The following BEGAIN variants were observed in gnomAD, a reference collection of about 807,000 sequenced individuals.
The protein encoded by BEGAIN is brain enriched guanylate kinase associated.
BEGAIN carries 19 observed loss-of-function variants against 35.8 expected under a neutral mutation model. That is an observed-to-expected ratio of 0.53 (90% confidence interval 0.37 to 0.78). The LOEUF (loss-of-function observed/expected upper bound fraction) is 0.78, where lower values mean the gene tolerates loss of function less well. Ranked by LOEUF, BEGAIN falls within the 30% of genes least tolerant of loss-of-function variation. The probability of loss-of-function intolerance (pLI) is 0.00; values close to 1 mark genes in which losing one functional copy is unlikely to be tolerated. For synonymous variants in BEGAIN, 462 were observed against 388.6 expected, an observed-to-expected ratio of 1.19 and a Z score of -2.22; for missense variants, 795 against 853.6, an observed-to-expected ratio of 0.93 and a Z score of 0.85.
chr14:100,552,902 A>G (rs1056048077), intron 2 of BEGAIN, among the ~76,000 whole-genome samples: 1 of 152,202 alleles, frequency 6.6e-6, no homozygotes, highest in African/African-American at 2.4e-5. Flanking sequence ...ACCTGCCAAG[A>G]GACCTTGCCT....
chr14:100,545,200 T>C (rs959742709), intron 3 of BEGAIN, 134 bp from the exon 4 acceptor site: 1 of 1,533,798 alleles, frequency 6.5e-7, no homozygotes, highest in Non-Finnish European at 8.7e-7. Flanking sequence ...TTCACCCTGG[T>C]GGAATGTGTG....
chr14:100,584,002 C>T (rs1396839429), intron 1 of BEGAIN, among the ~76,000 whole-genome samples: 1 of 152,178 alleles, frequency 6.6e-6, no homozygotes, highest in Non-Finnish European at 1.5e-5. Context: ...CCCAGCCTAT[C>T]CCTCTAGGTT....
rs564140823 is a variant in BEGAIN at position 100,553,541 on chromosome 14, T to C, written c.72-6879A>G. Among the ~76,000 whole-genome samples, 50 of 152,016 alleles carry C rather than the reference T, an allele frequency of 3.3e-4. 1 individual carries two copies. In the South Asian group the frequency reaches 9.6e-3, roughly 29 times the overall value. The stretch of plus-strand genomic sequence containing the variant: ...ACTGTCCCATACAGGCCTTCAGATT[T>C]CCCCCAAATGTGGCTGCCCCCACAC... On this transcript the variant is annotated intron_variant, in intron 2 of 6. Coordinates refer to ENST00000554140, the MANE Select transcript of BEGAIN (RefSeq NM_001385089.1).
In BEGAIN at chr14:100,552,152, T is replaced by G. The variant is rs149530833; in HGVS notation, c.72-5490A>C. ...TATGGTAGGTGGGATTACTGAAGAA[T>G]GAAGGCGCTCAGAGTAGAAAGGCTA... On this transcript the variant is annotated intron_variant, in intron 2 of 6. Coordinates refer to ENST00000554140, the MANE Select transcript of BEGAIN (RefSeq NM_001385089.1). Among the ~76,000 whole-genome samples the G allele has an allele frequency of 3.7e-4, 57 of 152,050 alleles. 1 individual carries two copies. Among genetic ancestry groups the G allele is most frequent in the African/African-American group, 1.4e-3 (56 of 41,454 alleles).
chr14:100,551,912 A>G (rs1163301725), intron 2 of BEGAIN, among the ~76,000 whole-genome samples: 2 of 152,204 alleles, frequency 1.3e-5, no homozygotes, highest in Non-Finnish European at 2.9e-5. Context: ...CTGGCTGGAC[A>G]GGACTTTGGA....
intron 5 of BEGAIN, among the ~76,000 whole-genome samples, chr14:100,540,852 C>T (rs1191883729): frequency 6.6e-6 from 1 of 152,226 alleles, no homozygotes; most frequent in African/African-American, 2.4e-5. Context: ...TGGGAACCTC[C>T]CACAAGGTGG....
At chr14:100,570,546 G>C (rs1227507391) in intron 1 of BEGAIN, among the ~76,000 whole-genome samples, 9 of 152,256 alleles carry the variant, frequency 5.9e-5, no homozygotes, top group Admixed American at 5.9e-4. Flanking sequence ...CCCCACACCA[G>C]ATGGGACAGG....
intron 2 of BEGAIN, among the ~76,000 whole-genome samples, chr14:100,561,111 C>G (rs60307965): frequency 6.6e-6 from 1 of 152,012 alleles, no homozygotes; most frequent in African/African-American, 2.4e-5. Flanking sequence ...ATCGCCTCCT[C>G]TGAAACACCC....
intron 2 of BEGAIN, among the ~76,000 whole-genome samples, chr14:100,553,554 G>A (rs1280988727): frequency 6.6e-6 from 1 of 152,052 alleles, no homozygotes; most frequent in African/African-American, 2.4e-5. Flanking sequence ...CCCAAATGTG[G>A]CTGCCCCCAC....
Position 100,568,280 on chromosome 14 carries a change from A to C in BEGAIN, c.43-341T>G, listed in dbSNP as rs1020202736. On this transcript the variant is annotated intron_variant, in intron 1 of 6. Coordinates refer to ENST00000554140, the MANE Select transcript of BEGAIN (RefSeq NM_001385089.1). The surrounding 1 kb of genome is among the most constrained non-coding windows in gnomAD (Gnocchi z 7.5). ...AGGGGGACTCGGCCTGTCCCCGTTA[A>C]CTCTCCGGCGGCCGCGGCCCCGCTG... The C allele has an allele frequency of 2.9e-6, 2 of 688,810 alleles. No individual in the cohort carries two copies. Among genetic ancestry groups the C allele is most frequent in the African/African-American group, 1.9e-5 (1 of 51,508 alleles). The allele number at this position is 688,810 out of a possible 1,614,324, so 42.7% of individuals were successfully genotyped here.
intron 5 of BEGAIN, 62 bp downstream of exon 5, chr14:100,543,796 T>G: frequency 7.5e-7 from 1 of 1,338,634 alleles, no homozygotes; most frequent in South Asian, 1.2e-5. Context: ...CAGTGCATCC[T>G]GGGAAGCCCT....
chr14:100,537,557 C>T lies in BEGAIN; in HGVS notation c.*412G>A, dbSNP rs148337468. 2.4e-3 allele frequency: 416 copies of T among 170,738 alleles called. 1 individual carries two copies. Among genetic ancestry groups the T allele is most frequent in the African/African-American group, 9.7e-3 (408 of 42,224 alleles). 10.6% of individuals were successfully genotyped at this position (170,738 alleles called of 1,614,324 possible). A position where few individuals can be genotyped will look rare whatever the true frequency, so the allele number is the denominator to read the frequency against. On this transcript the variant is annotated 3_prime_UTR_variant, in exon 7 of 7. Coordinates refer to ENST00000554140, the MANE Select transcript of BEGAIN (RefSeq NM_001385089.1). ...AGGACACCGTCCTTCCCTTCCCTTCCAAGGGGCAGGCCCCACGCACCCTCG... is the reference window on the plus strand; with the variant it reads ...AGGACACCGTCCTTCCCTTCCCTTCTAAGGGGCAGGCCCCACGCACCCTCG...
intron 1 of BEGAIN, among the ~76,000 whole-genome samples, chr14:100,570,712 C>A (rs1258059672): frequency 1.3e-5 from 2 of 152,226 alleles, no homozygotes; most frequent in Non-Finnish European, 2.9e-5. Context: ...CTCCCCTGGC[C>A]GAGGTGCTAC....
At position 100,538,991 on chromosome 14, in the gene BEGAIN, C is replaced by A. The variant is rs147214195; in HGVS notation, c.817G>T (p.Val273Leu). The A allele has an allele frequency of 1.2e-6, 2 of 1,610,418 alleles. No individual in the cohort carries two copies. Among genetic ancestry groups the A allele is most frequent in the Non-Finnish European group, 1.7e-6 (2 of 1,178,874 alleles). The stretch of plus-strand genomic sequence containing the variant: ...GAGTTCTGGGCCCGCAGGAAGCCCA[C>A]GTCGGTCACGGGCGCGTCCACGCTA... ...RPSVDAPVTD[V>L]GFLRAQNSTD... The change falls in exon 7 of 7, where the codon GTG (valine) becomes TTG (leucine). Residue 273 changes from valine to leucine, a missense_variant. Physicochemically the swap from Val to Leu is conservative, Grantham distance 32 (BLOSUM62 1). Coordinates refer to ENST00000554140, the MANE Select transcript of BEGAIN (RefSeq NM_001385089.1).
chr14:100,541,148 G>C (rs887678403), intron 5 of BEGAIN, among the ~76,000 whole-genome samples: 1 of 152,278 alleles, frequency 6.6e-6, no homozygotes, highest in Non-Finnish European at 1.5e-5. Context: ...CCAGGCGGGC[G>C]CTGGCTCAGC....
chr14:100,567,009 G>C lies in BEGAIN; in HGVS notation c.71+902C>G, dbSNP rs1190748210. On this transcript the variant is annotated intron_variant, in intron 2 of 6. Coordinates refer to ENST00000554140, the MANE Select transcript of BEGAIN (RefSeq NM_001385089.1). This position sits in a 1 kb window ranked among gnomAD's most constrained non-coding sequence, Gnocchi z 5.1. ...AGGCTGGGCTCTGCTCCTTGGGGGA[G>C]GGATGCTCCTCTACCCGGCCTCCTC... is the stretch of plus-strand genomic sequence containing the variant. 6.6e-6 allele frequency among the ~76,000 whole-genome samples: 1 copy of C among 152,198 alleles called. No individual in the cohort carries two copies. The highest frequency in any genetic ancestry group is 1.5e-5 in the Non-Finnish European group (1 of 68,044).
In BEGAIN at chr14:100,566,514, T is replaced by TC. The variant is rs573918233; in HGVS notation, c.71+1396dup. Among the ~76,000 whole-genome samples, 321 of 151,730 alleles carry TC rather than the reference T, an allele frequency of 2.1e-3. 1 individual carries two copies. Among genetic ancestry groups the TC allele is most frequent in the African/African-American group, 7.5e-3 (312 of 41,332 alleles). ...CTCAGCTGAGTTAAGCAGTGTTTCCTCCCCCCCACAGGCGGTACAACCCAG... is the reference window on the plus strand; with the variant it reads ...CTCAGCTGAGTTAAGCAGTGTTTCCTCCCCCCCCACAGGCGGTACAACCCAG... On this transcript the variant is annotated intron_variant, in intron 2 of 6. Transcript: ENST00000554140.
rs1379774049 is a variant in BEGAIN at position 100,573,688 on chromosome 14, G to C, written c.43-5749C>G. Among the ~76,000 whole-genome samples, 1 of 152,152 alleles carries C rather than the reference G, an allele frequency of 6.6e-6. No individual in the cohort carries two copies. The highest frequency in any genetic ancestry group is 1.5e-5 in the Non-Finnish European group (1 of 68,016). Reference sequence around the variant, plus strand: ...CTCATGTTGAGCAGGGGAACATGGGGAATTCAGGGCTGGTGGTGCCCCTTG... The same window carrying C: ...CTCATGTTGAGCAGGGGAACATGGGCAATTCAGGGCTGGTGGTGCCCCTTG... On this transcript the variant is annotated intron_variant, in intron 1 of 6. Coordinates refer to ENST00000554140, the MANE Select transcript of BEGAIN (RefSeq NM_001385089.1). The surrounding 1 kb of genome is among the most constrained non-coding windows in gnomAD (Gnocchi z 4.2).
intron 2 of BEGAIN, among the ~76,000 whole-genome samples, chr14:100,561,107 T>G (rs2034210253): frequency 6.6e-6 from 1 of 152,186 alleles, no homozygotes; most frequent in Middle Eastern, 3.4e-3. Context: ...TGGCATCGCC[T>G]CCTCTGAAAC....
Sources: gnomAD v4.1 joint callset for allele counts (sites outside exome capture counted in the v4.1 genomes callset) on GRCh38, gnomAD v4.1.1 for gene constraint, Gnocchi (gnomAD v3.1) non-coding constraint, MANE v1.5 for transcripts, NCBI Gene and HGNC (gene_info 2026-07-23, HGNC 2026-07-21) for gene names.